Variants in SDK1 observed in about 807,000 individuals in gnomAD.
SDK1 encodes protein sidekick-1.
A neutral mutation model predicts 245.5 loss-of-function variants in SDK1; 157 were observed. The ratio of observed to expected loss-of-function variants is 0.64; its 90% confidence interval spans 0.56 to 0.73. The LOEUF (loss-of-function observed/expected upper bound fraction) is 0.73, where lower values mean the gene tolerates loss of function less well. Among genes scored for constraint, SDK1 ranks in the 30% least tolerant of loss-of-function variants. The pLI is 0.00. For synonymous variants in SDK1, 1,647 were observed against 1,278.5 expected (o/e 1.29, Z -6.15); for missense variants, 3,583 against 3,002.3 (o/e 1.19, Z -4.52).
chr7:3,440,290 A>G (rs1010891467), intron 1 of SDK1, among the ~76,000 whole-genome samples: 10 of 152,174 alleles, frequency 6.6e-5, no homozygotes, highest in African/African-American at 1.9e-4. Flanking sequence ...CAAATGAAGG[A>G]GTCCACCTTG....
chr7:3,801,816 T>C (rs900017677), intron 4 of SDK1, among the ~76,000 whole-genome samples: 1 of 152,190 alleles, frequency 6.6e-6, no homozygotes, highest in African/African-American at 2.4e-5. Flanking sequence ...TTTTCTCACC[T>C]CCGTCTTCAT....
At chr7:3,678,321 T>C (rs1783973084) in intron 4 of SDK1, among the ~76,000 whole-genome samples, 2 of 152,188 alleles carry the variant, frequency 1.3e-5, no homozygotes, top group African/African-American at 2.4e-5. Flanking sequence ...TGTACACCAA[T>C]GTTTATAGCA....
chr7:3,811,798 A>G (rs1779391335), intron 4 of SDK1, among the ~76,000 whole-genome samples: 1 of 152,226 alleles, frequency 6.6e-6, no homozygotes, highest in African/African-American at 2.4e-5. Flanking sequence ...CCACCTGCAG[A>G]AGCAGCCATT....
At chr7:4,027,816 C>T (rs1401379433) in intron 17 of SDK1, among the ~76,000 whole-genome samples, 3 of 152,084 alleles carry the variant, frequency 2.0e-5, no homozygotes, top group East Asian at 3.9e-4. Context: ...TAGTCACAGA[C>T]TCTGTGGGCT....
At chr7:3,685,580 A>T (rs1016843768) in intron 4 of SDK1, among the ~76,000 whole-genome samples, 1 of 152,220 alleles carries the variant, frequency 6.6e-6, no homozygotes, top group African/African-American at 2.4e-5. Flanking sequence ...GTTGAGGTTC[A>T]TATGTGATGG....
At chr7:4,092,009 G>A (rs564641032) in intron 22 of SDK1, among the ~76,000 whole-genome samples, 11 of 152,200 alleles carry the variant, frequency 7.2e-5, no homozygotes, top group South Asian at 2.1e-4. Context: ...GAACAAAACC[G>A]TCGGGCGTGT....
In SDK1 at chr7:4,026,770, G is replaced by A. The variant is rs995565383; in HGVS notation, c.2602+9418G>A. 2.6e-5 allele frequency among the ~76,000 whole-genome samples: 4 copies of A among 152,162 alleles called. No homozygotes were observed. The highest frequency in any genetic ancestry group is 9.7e-5 in the African/African-American group (4 of 41,416). On this transcript the variant is annotated intron_variant, in intron 17 of 44. Transcript: ENST00000404826. This position sits in a 1 kb window ranked among gnomAD's most constrained non-coding sequence, Gnocchi z 4.1. Reference sequence around the variant, plus strand: ...AAAACTGCAAGCACCATAACAACGCGAGAACTCAGCCGTGGCCCATAACAA... The same window carrying A: ...AAAACTGCAAGCACCATAACAACGCAAGAACTCAGCCGTGGCCCATAACAA...
chr7:4,199,815 C>T (rs771123939), intron 35 of SDK1, among the ~76,000 whole-genome samples: 1 of 152,158 alleles, frequency 6.6e-6, no homozygotes, highest in Non-Finnish European at 1.5e-5. Flanking sequence ...AGCAACTCCT[C>T]CTCTTCTGTG....
intron 4 of SDK1, among the ~76,000 whole-genome samples, chr7:3,722,893 C>G (rs1217006522): frequency 3.3e-5 from 5 of 152,210 alleles, no homozygotes; most frequent in African/African-American, 1.2e-4. Context: ...TATGCTTTCC[C>G]CAAGATGGAG....
chr7:3,506,978 T>G (rs552604431), intron 1 of SDK1, among the ~76,000 whole-genome samples: 2 of 152,278 alleles, frequency 1.3e-5, no homozygotes, highest in South Asian at 2.1e-4. Flanking sequence ...AGGGTATTTG[T>G]TTTTATTTTT....
chr7:4,092,539 C>G (rs1210458853), intron 22 of SDK1, among the ~76,000 whole-genome samples: 1 of 152,172 alleles, frequency 6.6e-6, no homozygotes, highest in African/African-American at 2.4e-5. Context: ...AAACCCAGGC[C>G]TTCTCTGCTG....
At chr7:3,356,254 G>C (rs1460567294) in intron 1 of SDK1, among the ~76,000 whole-genome samples, 1 of 151,946 alleles carries the variant, frequency 6.6e-6, no homozygotes, top group Non-Finnish European at 1.5e-5. Flanking sequence ...CCTCTTTTTT[G>C]GGGGGTGGGG....
chr7:3,551,989 G>A (rs539789557), intron 1 of SDK1, among the ~76,000 whole-genome samples: 1 of 152,026 alleles, frequency 6.6e-6, no homozygotes, highest in East Asian at 1.9e-4. Flanking sequence ...GGGTCGTTCG[G>A]GTTGTAGTGT....
chr7:3,465,485 A>T (rs905679226), intron 1 of SDK1, among the ~76,000 whole-genome samples: 23 of 152,218 alleles, frequency 1.5e-4, no homozygotes, highest in African/African-American at 4.3e-4. Flanking sequence ...TGTGCCTCAC[A>T]TTAGTGTGTC....
intron 1 of SDK1, among the ~76,000 whole-genome samples, chr7:3,324,743 A>G (rs73046647): frequency 1.3e-5 from 2 of 152,134 alleles, no homozygotes; most frequent in Non-Finnish European, 2.9e-5. Flanking sequence ...AATTTGAGGT[A>G]GTTGCTGGTT....
At chr7:4,127,268 C>G (rs1784449608) in intron 25 of SDK1, 113 bp from the exon 26 acceptor site, 1 of 783,024 alleles carries the variant, frequency 1.3e-6, no homozygotes, top group African/African-American at 1.7e-5. Flanking sequence ...CTACAAAATG[C>G]TTAGAATACG....
intron 1 of SDK1, among the ~76,000 whole-genome samples, chr7:3,583,262 C>T (rs114078883): frequency 0.029 from 4,357 of 152,292 alleles, 203 homozygotes; most frequent in African/African-American, 0.094. Flanking sequence ...AAATAACATT[C>T]TCCATCTTTC....
In SDK1 at chr7:3,565,036, TGTG is replaced by T; in HGVS notation, c.299-54042_299-54040del. 2.0e-5 allele frequency among the ~76,000 whole-genome samples: 3 copies of T among 152,018 alleles called. No individual in the cohort carries two copies. In the South Asian group the frequency reaches 6.2e-4, roughly 32 times the overall value. ...AAGCGTTGGAGAAGCAGTTTTGGGTTGTGGGGTCGGTGGTAAGATCACATGACA... is the reference window on the plus strand; with the variant it reads ...AAGCGTTGGAGAAGCAGTTTTGGGTTGGGTCGGTGGTAAGATCACATGACA... On this transcript the variant is annotated intron_variant, in intron 1 of 44. Coordinates refer to ENST00000404826, the MANE Select transcript of SDK1 (RefSeq NM_152744.4).
At chr7:4,016,556 A>T (rs1021413434) in intron 16 of SDK1, among the ~76,000 whole-genome samples, 2 of 152,212 alleles carry the variant, frequency 1.3e-5, no homozygotes, top group Admixed American at 6.5e-5. Flanking sequence ...CATAAACACT[A>T]CTTTAAATTT....
Sources: allele counts gnomAD v4.1 joint callset (sites outside exome capture counted in the v4.1 genomes callset), GRCh38; gene constraint gnomAD v4.1.1; non-coding constraint Gnocchi (gnomAD v3.1); transcripts MANE v1.5; gene names NCBI Gene and HGNC (gene_info 2026-07-23, HGNC 2026-07-21).